Variants in RTN4 observed in about 807,000 individuals in gnomAD.
The protein encoded by RTN4 is reticulon 4.
In RTN4, 32 loss-of-function variants were observed where a neutral mutation model predicts 90.4. The ratio of observed to expected loss-of-function variants is 0.35; its 90% CI spans 0.27 to 0.48. The LOEUF (loss-of-function observed/expected upper bound fraction) is 0.48. Among genes scored for constraint, RTN4 ranks in the 20% least tolerant of loss-of-function variants. The probability of loss-of-function intolerance (pLI) is 0.99; values close to 1 mark genes in which losing one functional copy is unlikely to be tolerated. For synonymous variants in RTN4, 629 were observed against 552.5 expected, an observed-to-expected ratio of 1.14 and a Z score of -1.94; for missense variants, 1,706 against 1,430.2, an observed-to-expected ratio of 1.19 and a Z score of -3.11.
chr2:55,051,701 G>C (rs894697523), upstream of RTN4, among the ~76,000 whole-genome samples: 2 of 152,178 alleles, frequency 1.3e-5, no homozygotes, highest in African/African-American at 4.8e-5. Flanking sequence ...AATGTATGTA[G>C]CTAGGCTGAA....
upstream of RTN4, among the ~76,000 whole-genome samples, chr2:55,114,352 G>C (rs758108286): frequency 2.6e-5 from 4 of 152,158 alleles, no homozygotes; most frequent in South Asian, 6.2e-4. Context: ...GAAGGGGATG[G>C]AGCTGGAAAG....
intron 1 of RTN4, among the ~76,000 whole-genome samples, chr2:55,102,731 A>G (rs186052345): frequency 1.3e-5 from 2 of 152,260 alleles, no homozygotes; most frequent in Non-Finnish European, 2.9e-5. Context: ...AGAGATTTAT[A>G]AAACAAAACT....
intron 1 of RTN4, among the ~76,000 whole-genome samples, chr2:55,034,790 C>T: frequency 6.6e-6 from 1 of 152,034 alleles, no homozygotes; most frequent in Admixed American, 6.6e-5. Flanking sequence ...TTCTGAAGCA[C>T]AAATTATCAC....
chr2:55,107,252 C>T (rs1205917234), intron 1 of RTN4, among the ~76,000 whole-genome samples: 1 of 151,006 alleles, frequency 6.6e-6, no homozygotes, highest in Non-Finnish European at 1.5e-5. Flanking sequence ...CAAACATGTG[C>T]TTATTTTTCT....
At chr2:55,015,725 G>A (rs529512044) in intron 3 of RTN4, among the ~76,000 whole-genome samples, 3 of 152,310 alleles carry the variant, frequency 2.0e-5, no homozygotes, top group South Asian at 2.1e-4. Flanking sequence ...TTTAAGGAAC[G>A]AGTCATAGTA....
chr2:55,046,400 C>T (rs1263117935), intron 1 of RTN4, among the ~76,000 whole-genome samples: 1 of 152,208 alleles, frequency 6.6e-6, no homozygotes, highest in African/African-American at 2.4e-5. Context: ...TAGTCTTACA[C>T]TAGATTCTCA....
intron 1 of RTN4, among the ~76,000 whole-genome samples, chr2:55,043,648 C>T (rs540180719): frequency 2.0e-5 from 3 of 152,082 alleles, no homozygotes; most frequent in Non-Finnish European, 2.9e-5. Flanking sequence ...AATTGTGGGA[C>T]ACCGAGGCAG....
At chr2:55,081,358 T>G (rs1434187777) in intron 1 of RTN4, among the ~76,000 whole-genome samples, 3 of 152,170 alleles carry the variant, frequency 2.0e-5, no homozygotes, top group Non-Finnish European at 4.4e-5. Flanking sequence ...ATTACAGGTA[T>G]GAGCCACCAC....
At chr2:55,082,699 C>G (rs1440801914) in intron 1 of RTN4, among the ~76,000 whole-genome samples, 1 of 152,176 alleles carries the variant, frequency 6.6e-6, no homozygotes, top group African/African-American at 2.4e-5. Context: ...CCCTTATGAA[C>G]TTTATAAAGT....
intron 1 of RTN4, among the ~76,000 whole-genome samples, chr2:55,037,421 T>A (rs1029844986): frequency 6.6e-6 from 1 of 152,242 alleles, no homozygotes; most frequent in Non-Finnish European, 1.5e-5. Context: ...CTAGCAGCCA[T>A]GCTTATTATA....
chr2:55,043,360 T>G (rs532727513), intron 1 of RTN4, among the ~76,000 whole-genome samples: 19 of 152,204 alleles, frequency 1.2e-4, no homozygotes, highest in Non-Finnish European at 2.5e-4. Flanking sequence ...AGCCATTCAG[T>G]TTATACTTTT....
In RTN4 at chr2:55,101,111, G is replaced by T. The variant is rs371164274; in HGVS notation, c.-214+11409C>A. On this transcript the variant is annotated intron_variant, in intron 1 of 3. Coordinates refer to the RTN4 transcript ENST00000427710. Reference sequence around the variant, plus strand: ...AACAAAAACAAGCTCCAAACAGTTTGTATAGTAGGATTATATTTTAGTAAA... The same window carrying T: ...AACAAAAACAAGCTCCAAACAGTTTTTATAGTAGGATTATATTTTAGTAAA... 1.2e-4 allele frequency among the ~76,000 whole-genome samples: 18 copies of T among 152,048 alleles called. No homozygotes were observed. The East Asian group carries it at 2.1e-3, about 18-fold the overall frequency.
intron 2 of RTN4, 126 bp downstream of exon 2, chr2:55,028,038 G>T: frequency 1.3e-6 from 1 of 779,052 alleles, no homozygotes; most frequent in Non-Finnish European, 1.9e-6. Context: ...AACTTTTCCA[G>T]TAGACAAAAC....
the RTN4 span, among the ~76,000 whole-genome samples, chr2:55,136,925 TG>T: frequency 2.0e-5 from 3 of 152,178 alleles, no homozygotes; most frequent in South Asian, 6.2e-4. Flanking sequence ...GTGAACGGCC[TG>T]GGGAGACCCA....
At chr2:54,986,872 A>G (rs575610475) in intron 4 of RTN4, among the ~76,000 whole-genome samples, 148 of 152,208 alleles carry the variant, frequency 9.7e-4, no homozygotes, top group African/African-American at 3.3e-3. Flanking sequence ...AAAGAGGGGG[A>G]AAAACACGCA....
chr2:55,117,655 C>T, the RTN4 span, among the ~76,000 whole-genome samples: 1 of 152,108 alleles, frequency 6.6e-6, no homozygotes, highest in Admixed American at 6.5e-5. Context: ...ATCTCACAGA[C>T]AAAATATGCA....
intron 6 of RTN4, 44 bp from the exon 7 acceptor site, chr2:54,973,911 T>C (rs375633257): frequency 1.9e-6 from 3 of 1,542,848 alleles, no homozygotes; most frequent in Non-Finnish European, 2.7e-6. Flanking sequence ...ACGGAATGAT[T>C]TGGGAGGAAT....
In RTN4 at chr2:55,097,246, G is replaced by A. The variant is rs1459757181; in HGVS notation, c.-214+15274C>T. Among the ~76,000 whole-genome samples, 8 of 149,104 alleles carry A rather than the reference G, an allele frequency of 5.4e-5. No individual in the cohort carries two copies. The South Asian group carries it at 8.5e-4, about 16-fold the overall frequency. ...GAGCCCAGGAGGTCAGGGCTGCAAT[G>A]AGCCCTGATTGTGCCACTGCACTCC... On this transcript the variant is annotated intron_variant, in intron 1 of 3. Transcript: ENST00000427710.
intron 1 of RTN4, among the ~76,000 whole-genome samples, chr2:55,041,078 C>T (rs1240053815): frequency 2.2e-5 from 3 of 138,988 alleles, no homozygotes; most frequent in Non-Finnish European, 3.1e-5. Context: ...TTTCTCAACA[C>T]AATTTTTTTT....
Sources: allele counts gnomAD v4.1 joint callset (sites outside exome capture counted in the v4.1 genomes callset), GRCh38; gene constraint gnomAD v4.1.1; transcripts MANE v1.5; gene names NCBI Gene and HGNC (gene_info 2026-07-23, HGNC 2026-07-21).